Variants in MAN2A1 observed in about 807,000 individuals in gnomAD.
The protein encoded by MAN2A1 is mannosidase alpha class 2A member 1, also known as alpha-mannosidase 2.
A neutral mutation model predicts 142.6 loss-of-function variants in MAN2A1; 76 were observed. The observed-to-expected ratio is 0.53, with a 90% CI of 0.44 to 0.65. MAN2A1 has a LOEUF of 0.65. Among genes scored for constraint, MAN2A1 ranks in the 30% least tolerant of loss-of-function variants. The pLI is 0.00. For synonymous variants in MAN2A1, 559 were observed against 473.2 expected (o/e 1.18, Z -2.35); for missense variants, 1,311 against 1,365.1 (o/e 0.96, Z 0.62).
At chr5:109,733,347 C>G (rs1751978713) in intron 4 of MAN2A1, among the ~76,000 whole-genome samples, 2 of 152,122 alleles carry the variant, frequency 1.3e-5, no homozygotes, top group Admixed American at 1.3e-4. Flanking sequence ...AATTGAATGC[C>G]CTTTATTTCC....
At chr5:109,799,771 G>A (rs1405035984) in intron 12 of MAN2A1, among the ~76,000 whole-genome samples, 17 of 146,838 alleles carry the variant, frequency 1.2e-4, no homozygotes, top group African/African-American at 4.0e-4. Flanking sequence ...AAAAAAAAGC[G>A]AAAGAACCAA....
chr5:109,845,504 C>T (rs1202933461), intron 17 of MAN2A1, among the ~76,000 whole-genome samples: 1 of 152,086 alleles, frequency 6.6e-6, no homozygotes, highest in Non-Finnish European at 1.5e-5. Context: ...GCATTCATTA[C>T]AAAAGCAGTT....
intron 7 of MAN2A1, among the ~76,000 whole-genome samples, chr5:109,770,894 G>GA (rs1390511722): frequency 1.3e-5 from 2 of 152,068 alleles, no homozygotes; most frequent in East Asian, 3.9e-4. Context: ...AAATTGGTAA[G>GA]AAAAGCAATT....
chr5:109,777,937 C>G (rs1190690123), intron 8 of MAN2A1, among the ~76,000 whole-genome samples: 1 of 152,080 alleles, frequency 6.6e-6, no homozygotes, highest in East Asian at 1.9e-4. Flanking sequence ...CTCACACTGT[C>G]TTAATTATTA....
chr5:109,832,161 CTT>C (rs70999945), intron 16 of MAN2A1, among the ~76,000 whole-genome samples: 2,633 of 51,036 alleles, frequency 0.052, 18 homozygotes, highest in African/African-American at 0.084. Context: ...AAGGAGTTTT[CTT>C]TTTTTTTTTT....
At chr5:109,716,713 C>T (rs1039031670) in intron 3 of MAN2A1, among the ~76,000 whole-genome samples, 3 of 152,178 alleles carry the variant, frequency 2.0e-5, no homozygotes, top group Non-Finnish European at 4.4e-5. Context: ...GTTTCAGGCA[C>T]ATACGAATGT....
chr5:109,736,000 G>C (rs1752086118), intron 4 of MAN2A1, among the ~76,000 whole-genome samples: 1 of 150,770 alleles, frequency 6.6e-6, no homozygotes, highest in Non-Finnish European at 1.5e-5. Context: ...CATCCAAAGG[G>C]GCTAGCCACA....
intron 5 of MAN2A1, among the ~76,000 whole-genome samples, chr5:109,758,392 CTT>C (rs915025456): frequency 6.6e-6 from 1 of 151,674 alleles, no homozygotes; most frequent in Admixed American, 6.6e-5. Flanking sequence ...TTATTATTGA[CTT>C]AGAATTTTTT....
In MAN2A1 at chr5:109,690,313, C is replaced by A; in HGVS notation, c.-105C>A. 1 of 1,270,516 alleles carries A rather than the reference C, an allele frequency of 7.9e-7. No homozygotes were observed. Among genetic ancestry groups the A allele is most frequent in the Admixed American group, 1.8e-5 (1 of 56,412 alleles). The allele number at this position is 1,270,516 out of a possible 1,614,324, so 78.7% of individuals were successfully genotyped here. On this transcript the variant is annotated 5_prime_UTR_variant, in exon 1 of 22. Coordinates refer to ENST00000261483, the MANE Select transcript of MAN2A1 (RefSeq NM_002372.4). ...CCCGCATCCGAGAGCGCGGAGGTCG[C>A]GCAGCCCGGGAGAAGGGAGCCTCCG...
intron 20 of MAN2A1, among the ~76,000 whole-genome samples, chr5:109,857,499 T>C (rs1295465071): frequency 6.6e-6 from 1 of 152,114 alleles, no homozygotes; most frequent in Non-Finnish European, 1.5e-5. Flanking sequence ...CTGGGGAGGA[T>C]GGGCGGTCAC....
At chr5:109,855,968 G>A (rs570446015) in intron 20 of MAN2A1, among the ~76,000 whole-genome samples, 13 of 152,302 alleles carry the variant, frequency 8.5e-5, no homozygotes, top group African/African-American at 3.1e-4. Context: ...GCTGGAAATA[G>A]TAAGTGGTTA....
intron 4 of MAN2A1, among the ~76,000 whole-genome samples, chr5:109,747,897 C>T (rs1228262232): frequency 6.6e-6 from 1 of 152,162 alleles, no homozygotes; most frequent in Non-Finnish European, 1.5e-5. Context: ...GCACAGATTT[C>T]TAGTTTCCTC....
intron 20 of MAN2A1, among the ~76,000 whole-genome samples, chr5:109,856,825 A>G (rs1019394133): frequency 6.6e-6 from 1 of 152,196 alleles, no homozygotes; most frequent in African/African-American, 2.4e-5. Flanking sequence ...TTATCAGTGA[A>G]CTTGCAGGAT....
intron 5 of MAN2A1, among the ~76,000 whole-genome samples, chr5:109,756,138 G>A (rs1458964391): frequency 6.6e-6 from 1 of 152,016 alleles, no homozygotes. Flanking sequence ...AGGGAATTGT[G>A]GAGAGCAGGG....
At chr5:109,752,312 C>T (rs1009180972) in intron 4 of MAN2A1, among the ~76,000 whole-genome samples, 1 of 152,104 alleles carries the variant, frequency 6.6e-6, no homozygotes, top group Non-Finnish European at 1.5e-5. Context: ...TTGCAAATAT[C>T]TGTGAGCTTC....
chr5:109,784,562 TA>T (rs1753547589), intron 9 of MAN2A1, among the ~76,000 whole-genome samples, 181 bp from the exon 10 acceptor site: 1 of 152,202 alleles, frequency 6.6e-6, no homozygotes, highest in African/African-American at 2.4e-5. Flanking sequence ...ATTGAGAACG[TA>T]AATGTGTTAT....
intron 16 of MAN2A1, among the ~76,000 whole-genome samples, chr5:109,826,056 C>T (rs897867896): frequency 2.0e-5 from 3 of 151,854 alleles, no homozygotes; most frequent in African/African-American, 7.3e-5. Flanking sequence ...CAGGTGTACA[C>T]CACCACGCCT....
intron 5 of MAN2A1, among the ~76,000 whole-genome samples, chr5:109,763,415 G>T (rs1472402858): frequency 6.6e-6 from 1 of 151,792 alleles, no homozygotes; most frequent in Non-Finnish European, 1.5e-5. Flanking sequence ...ACATATCTGA[G>T]GATATGACAT....
chr5:109,772,476 C>G (rs999434513), intron 7 of MAN2A1, among the ~76,000 whole-genome samples: 4 of 152,144 alleles, frequency 2.6e-5, no homozygotes, highest in Non-Finnish European at 5.9e-5. Flanking sequence ...GAATTGAGAT[C>G]AAACACAGGC....
Sources: allele counts gnomAD v4.1 joint callset (sites outside exome capture counted in the v4.1 genomes callset), GRCh38; gene constraint gnomAD v4.1.1; transcripts MANE v1.5; gene names NCBI Gene and HGNC (gene_info 2026-07-23, HGNC 2026-07-21).